LPP: variants seen among roughly 807,000 people sequenced by gnomAD.
The protein encoded by LPP is lipoma-preferred partner.
A neutral mutation model predicts 60.4 loss-of-function variants in LPP; 38 were observed. The observed-to-expected ratio is 0.63, with a 90% CI of 0.49 to 0.83. LPP has a LOEUF of 0.83. Ranked by LOEUF, LPP falls within the 40% of genes least tolerant of loss-of-function variation. The pLI is 0.00. For synonymous variants in LPP, 328 were observed against 290.8 expected, an observed-to-expected ratio of 1.13 and a Z score of -1.30; for missense variants, 902 against 783.6, an observed-to-expected ratio of 1.15 and a Z score of -1.80.
At chr3:188,381,988 A>C (rs190454109) in intron 3 of LPP, among the ~76,000 whole-genome samples, 1 of 150,090 alleles carries the variant, frequency 6.7e-6, no homozygotes, top group Non-Finnish European at 1.5e-5. Flanking sequence ...GGGTCTTGCT[A>C]TGTTGCTCAG....
chr3:188,763,046 A>G (rs891547358), intron 9 of LPP, among the ~76,000 whole-genome samples: 22 of 152,206 alleles, frequency 1.4e-4, no homozygotes, highest in African/African-American at 5.3e-4. Context: ...ATGAAATAAA[A>G]CAAGTTGGCT....
rs1238725505 is a variant in LPP, at chr3:188,609,051, A to G, written c.430-110A>G. 3 of 819,044 alleles carry G rather than the reference A, an allele frequency of 3.7e-6. No individual in the cohort carries two copies. In the Admixed American group the frequency reaches 8.6e-5, roughly 23 times the overall value. 50.7% of individuals were successfully genotyped at this position (819,044 alleles called of 1,614,324 possible). A position where few individuals can be genotyped will look rare whatever the true frequency, so the allele number is the denominator to read the frequency against. ...ATGCCTTATTTGTGTTCTACATAGT[A>G]ATAAATAATAATTAGCAGTTATTAA... On this transcript the variant is annotated intron_variant, in intron 6 of 11. Coordinates refer to ENST00000617246, the MANE Select transcript of LPP (RefSeq NM_001375462.1). The surrounding 1 kb of genome is among the most constrained non-coding windows in gnomAD (Gnocchi z 6.9).
Position 188,874,437 on chromosome 3 carries a change from C to T in LPP, c.1797C>T (p.Ala599=). ...GHILCKTCNS[A]RIRVLTAKAS... is the part of the protein sequence containing the mutation. Reference sequence around the variant, plus strand: ...TCCTCTGCAAGACCTGCAACTCTGCCCGCATCAGGGTGTTGACCGCCAAGG... The same window carrying T: ...TCCTCTGCAAGACCTGCAACTCTGCTCGCATCAGGGTGTTGACCGCCAAGG... Residue 599 remains alanine (A), a synonymous_variant, in exon 12 of 12, where the codon GCC becomes GCT. Transcript: ENST00000617246. The T allele has an allele frequency of 6.2e-7, 1 of 1,614,198 alleles. No homozygotes were observed. The highest frequency in any genetic ancestry group is 1.3e-5 in the African/African-American group (1 of 75,070).
intron 6 of LPP, among the ~76,000 whole-genome samples, chr3:188,570,599 A>G (rs1398846941): frequency 3.9e-5 from 6 of 152,052 alleles, no homozygotes; most frequent in African/African-American, 1.4e-4. Flanking sequence ...ATTGGGTAGC[A>G]CATATATCTG....
At chr3:188,615,801 C>T (rs915369235) in intron 7 of LPP, among the ~76,000 whole-genome samples, 1 of 152,122 alleles carries the variant, frequency 6.6e-6, no homozygotes, top group Admixed American at 6.6e-5. Context: ...GATGGTATCT[C>T]ATTGTTGTTT....
chr3:188,662,832 T>C (rs1854888383), intron 7 of LPP, among the ~76,000 whole-genome samples: 1 of 152,264 alleles, frequency 6.6e-6, no homozygotes, highest in African/African-American at 2.4e-5. Flanking sequence ...TCTTTAAATA[T>C]GTAAATAATA....
intron 8 of LPP, among the ~76,000 whole-genome samples, chr3:188,721,846 T>TGTGACA (rs1395648609): frequency 4.6e-5 from 7 of 152,238 alleles, no homozygotes; most frequent in Non-Finnish European, 1.5e-5. Flanking sequence ...ACTGACTCAC[T>TGTGACA]GTGACATCTT....
intron 2 of LPP, among the ~76,000 whole-genome samples, chr3:188,315,173 C>G (rs1754672782): frequency 6.6e-6 from 1 of 152,004 alleles, no homozygotes; most frequent in Admixed American, 6.5e-5. Flanking sequence ...TCACCTATTT[C>G]AAATTCATTT....
At chr3:188,604,488 G>A (rs939301279) in intron 6 of LPP, among the ~76,000 whole-genome samples, 4 of 151,830 alleles carry the variant, frequency 2.6e-5, no homozygotes, top group African/African-American at 9.7e-5. Context: ...AAGTCTTCCT[G>A]GAAAAATAAT....
At chr3:188,429,580 C>T (rs538512767) in intron 4 of LPP, among the ~76,000 whole-genome samples, 1 of 152,310 alleles carries the variant, frequency 6.6e-6, no homozygotes, top group East Asian at 1.9e-4. Flanking sequence ...AAACCTGCTG[C>T]TCCTGAAACC....
At chr3:188,233,113 A>G (rs532797595) in intron 2 of LPP, among the ~76,000 whole-genome samples, 2 of 152,212 alleles carry the variant, frequency 1.3e-5, no homozygotes, top group South Asian at 4.1e-4. Flanking sequence ...CCCAGATTTC[A>G]TGTTTCCTGA....
chr3:188,262,650 C>T (rs183206107), intron 2 of LPP, among the ~76,000 whole-genome samples: 1 of 151,944 alleles, frequency 6.6e-6, no homozygotes, highest in East Asian at 1.9e-4. Flanking sequence ...TCTCTCTTCT[C>T]TGTCTCTCAC....
At chr3:188,244,567 T>G (rs1726183298) in intron 2 of LPP, among the ~76,000 whole-genome samples, 1 of 152,218 alleles carries the variant, frequency 6.6e-6, no homozygotes, top group Non-Finnish European at 1.5e-5. Flanking sequence ...AGACCAAGAC[T>G]TTGGTCAGAA....
At position 188,356,403 on chromosome 3, in the gene LPP, A is replaced by G. The variant is rs373767375; in HGVS notation, c.-10+14684A>G. ...ATTAGATCAGTGAATTTTTAAACTT[A>G]TGCTCTAGAAGCCCTAGGATTCTGG... On this transcript the variant is annotated intron_variant, in intron 3 of 11. Transcript: ENST00000617246. Among the ~76,000 whole-genome samples, 37 of 152,308 alleles carry G rather than the reference A, an allele frequency of 2.4e-4. 4 individuals carry two copies. The South Asian group carries it at 5.6e-3, about 23-fold the overall frequency.
At chr3:188,521,653 A>G (rs374410564) in intron 5 of LPP, among the ~76,000 whole-genome samples, 9 of 152,174 alleles carry the variant, frequency 5.9e-5, no homozygotes, top group African/African-American at 1.9e-4. Context: ...ATTTAGGAAA[A>G]TCATCATAAT....
intron 1 of LPP, among the ~76,000 whole-genome samples, chr3:188,210,850 C>T (rs1261516849): frequency 1.3e-5 from 2 of 151,894 alleles, no homozygotes; most frequent in Non-Finnish European, 2.9e-5. Flanking sequence ...TGAAGACCAC[C>T]CCTTTTTGCT....
intron 2 of LPP, among the ~76,000 whole-genome samples, chr3:188,255,430 T>C (rs1379837679): frequency 6.6e-6 from 1 of 152,194 alleles, no homozygotes; most frequent in Non-Finnish European, 1.5e-5. Context: ...ACATGACACA[T>C]CATATCAAGG....
Position 188,843,786 on chromosome 3 carries a change from C to CAAAAAAAAAAAAAAAAAAAAAAAAAA in LPP, c.1411-22402_1411-22401insAAAAAAAAAAAAAAAAAAAAAAAAAA, listed in dbSNP as rs544161994. Reference sequence around the variant, plus strand: ...TGGGCGACAGAGCAAGACTCCGTCTCAAAAAAAAAAAATCCTTCCTCTGGG... The same window carrying CAAAAAAAAAAAAAAAAAAAAAAAAAA: ...TGGGCGACAGAGCAAGACTCCGTCTCAAAAAAAAAAAAAAAAAAAAAAAAAAAAAAAAAAAAAATCCTTCCTCTGGG... On this transcript the variant is annotated intron_variant, in intron 9 of 11. Coordinates refer to ENST00000617246, the MANE Select transcript of LPP (RefSeq NM_001375462.1). Among the ~76,000 whole-genome samples, 62 of 75,546 alleles carry CAAAAAAAAAAAAAAAAAAAAAAAAAA rather than the reference C, an allele frequency of 8.2e-4. 1 individual carries two copies. The highest frequency in any genetic ancestry group is 2.5e-3 in the African/African-American group (50 of 20,382). The allele number at this position is 75,546 out of a possible 152,430, so 49.6% of individuals were successfully genotyped here.
At chr3:188,360,466 C>A (rs1768945057) in intron 3 of LPP, among the ~76,000 whole-genome samples, 1 of 152,004 alleles carries the variant, frequency 6.6e-6, no homozygotes, top group African/African-American at 2.4e-5. Context: ...TTTCTCCCAC[C>A]CTCCTCTCTC....
Sources: gnomAD v4.1 joint callset for allele counts (sites outside exome capture counted in the v4.1 genomes callset) on GRCh38, gnomAD v4.1.1 for gene constraint, Gnocchi (gnomAD v3.1) non-coding constraint, MANE v1.5 for transcripts, NCBI Gene and HGNC (gene_info 2026-07-23, HGNC 2026-07-21) for gene names.